Variants in ZNF655 observed in about 807,000 individuals in gnomAD.
ZNF655 encodes Vav-interacting Kruppel-like protein 1.
In ZNF655, 3 loss-of-function variants were observed where a neutral mutation model predicts 6.6. That is an observed-to-expected ratio of 0.46 (90% CI 0.21 to 1.18). The LOEUF is 1.18. Among genes scored for constraint, ZNF655 ranks in the 50% most tolerant of loss-of-function variants. The probability of loss-of-function intolerance (pLI) is 0.24; values close to 1 mark genes in which losing one functional copy is unlikely to be tolerated. For synonymous variants in ZNF655, 178 were observed against 195.0 expected, an observed-to-expected ratio of 0.91 and a Z score of 0.73; for missense variants, 526 against 572.3, an observed-to-expected ratio of 0.92 and a Z score of 0.83.
At chr7:99,571,629 G>A in intron 2 of ZNF655, 1 of 1,297,832 alleles carries the variant, frequency 7.7e-7, no homozygotes, top group South Asian at 1.3e-5. Flanking sequence ...AAAAGAAAAA[G>A]TGGCAGATGT....
At chr7:99,566,121 A>G (rs1428424812) in intron 2 of ZNF655, among the ~76,000 whole-genome samples, 2 of 151,906 alleles carry the variant, frequency 1.3e-5, no homozygotes, top group African/African-American at 2.4e-5. Flanking sequence ...CACTGCTCCT[A>G]TTTTATATCT....
intron 2 of ZNF655, among the ~76,000 whole-genome samples, chr7:99,567,856 C>T (rs902882285): frequency 5.9e-5 from 9 of 151,788 alleles, no homozygotes; most frequent in Admixed American, 6.6e-5. Context: ...GTCAGGAGTT[C>T]GAGACCAGCC....
intron 2 of ZNF655, chr7:99,571,080 C>T (rs1359354248): frequency 2.5e-6 from 1 of 399,078 alleles, no homozygotes; most frequent in Non-Finnish European, 4.2e-6. Context: ...GGCCTCTTAT[C>T]CCCTGCATAC....
intron 2 of ZNF655, chr7:99,570,184 C>T (rs1803932771): frequency 1.3e-5 from 2 of 152,094 alleles, no homozygotes; most frequent in African/African-American, 2.4e-5. Flanking sequence ...TACCAAATAT[C>T]GACAGACACT....
chr7:99,562,389 G>A, intron 2 of ZNF655: 1 of 1,614,136 alleles, frequency 6.2e-7, no homozygotes, highest in East Asian at 2.2e-5. Flanking sequence ...ATTCGAGGAT[G>A]TGGCTGTGCA....
chr7:99,567,480 C>T (rs1330137857), intron 2 of ZNF655, among the ~76,000 whole-genome samples: 5 of 150,520 alleles, frequency 3.3e-5, no homozygotes, highest in East Asian at 2.0e-4. Flanking sequence ...TGAGGTGAGC[C>T]GAGATCGTGC....
At chr7:99,563,949 G>A (rs1164091050) in intron 2 of ZNF655, 1 of 1,613,712 alleles carries the variant, frequency 6.2e-7, no homozygotes, top group Non-Finnish European at 8.5e-7. Flanking sequence ...TGCTTTCTCT[G>A]GAGAAACACT....
At chr7:99,565,299 G>A (rs1803538245) in intron 2 of ZNF655, among the ~76,000 whole-genome samples, 1 of 152,008 alleles carries the variant, frequency 6.6e-6, no homozygotes, top group Admixed American at 6.6e-5. Context: ...CTCCCAAGTA[G>A]CTGGGACTAC....
chr7:99,564,265 C>G, intron 2 of ZNF655: 1 of 1,335,922 alleles, frequency 7.5e-7, no homozygotes, highest in Non-Finnish European at 9.5e-7. Context: ...ACCAGAAATT[C>G]CAAATTCAGC....
Position 99,573,383 on chromosome 7 carries a change from G to T in ZNF655, c.1275G>T (p.Gln425His). 1 of 1,614,180 alleles carries T rather than the reference G, an allele frequency of 6.2e-7. No homozygotes were observed. The highest frequency in any genetic ancestry group is 8.5e-7 in the Non-Finnish European group (1 of 1,180,016). The change falls in exon 3 of 3, where the codon CAG (glutamine) becomes CAT (histidine). Residue 425 changes from glutamine (Q) to histidine (H), a missense_variant. Coordinates refer to ENST00000252713, the MANE Select transcript of ZNF655 (RefSeq NM_138494.3). ...KAFSQTSCLI[Q>H]HHKMHRKEKS... is the part of the protein sequence containing the mutation. ...TCAGTCAAACCTCATGCCTTATTCAGCATCACAAAATGCATAGGAAAGAGA... is the reference window on the plus strand; with the variant it reads ...TCAGTCAAACCTCATGCCTTATTCATCATCACAAAATGCATAGGAAAGAGA...
At position 99,572,849 on chromosome 7, in the gene ZNF655, GTCTT is replaced by G; in HGVS notation, c.744_747del (p.Phe249ValfsTer41). 3 of 1,614,068 alleles carry G rather than the reference GTCTT, an allele frequency of 1.9e-6. No individual in the cohort carries two copies. The highest frequency in any genetic ancestry group is 2.5e-6 in the Non-Finnish European group (3 of 1,179,978). On this transcript the variant is annotated frameshift_variant, in exon 3 of 3. Transcript: ENST00000252713. LOFTEE classifies it low-confidence loss of function (END_TRUNC). The stretch of plus-strand genomic sequence containing the variant: ...CCTACAAATGTAAAGAATGTGAAAA[GTCTT>G]TCAGTCAGAGCTCAAGTCTTAGTCG...
At chr7:99,559,742 C>A (rs2151140848) in intron 1 of ZNF655, among the ~76,000 whole-genome samples, 1 of 151,884 alleles carries the variant, frequency 6.6e-6, no homozygotes, top group African/African-American at 2.4e-5. Flanking sequence ...ATTCTCCTGC[C>A]TTGGCCTTTG....
Position 99,576,386 on chromosome 7 carries a change from A to G in ZNF655, c.*2802A>G, listed in dbSNP as rs564176437. The G allele has an allele frequency of 1.3e-5, 2 of 152,794 alleles. No individual in the cohort carries two copies. Among genetic ancestry groups the G allele is most frequent in the East Asian group, 1.9e-4 (1 of 5,188 alleles). 9.5% of individuals were successfully genotyped at this position (152,794 alleles called of 1,614,324 possible). On this transcript the variant is annotated 3_prime_UTR_variant, in exon 3 of 3. Transcript: ENST00000252713. ...AGCAGAATATGTAAAAATCACATGT[A>G]TGCGTTTGGTTTAGGAATGTGCTTT...
rs1562937849 is a variant in ZNF655, at chr7:99,572,313, T to C, written c.205T>C (p.Tyr69His). Residue 69 changes from tyrosine (Y) to histidine (H), a missense_variant, in exon 3 of 3, where the codon TAC (tyrosine) becomes CAC (histidine). Physicochemically the swap from Tyr to His is moderately conservative, Grantham distance 83. Coordinates refer to ENST00000252713, the MANE Select transcript of ZNF655 (RefSeq NM_138494.3). ...KQKISEEVHSYKVRVGRLKHD... is the reference protein window; with the variant it reads ...KQKISEEVHSHKVRVGRLKHD... ...GAAAATTTCGGAAGAAGTGCATTCATACAAAGTGAGAGTAGGAAGACTCAA... is the reference window on the plus strand; with the variant it reads ...GAAAATTTCGGAAGAAGTGCATTCACACAAAGTGAGAGTAGGAAGACTCAA... 2 of 1,613,452 alleles carry C rather than the reference T, an allele frequency of 1.2e-6. No homozygotes were observed. Among genetic ancestry groups the C allele is most frequent in the Non-Finnish European group, 1.7e-6 (2 of 1,179,884 alleles).
chr7:99,573,037 G>A lies in ZNF655; in HGVS notation c.929G>A (p.Arg310Lys). 1 of 1,614,140 alleles carries A rather than the reference G, an allele frequency of 6.2e-7. No individual in the cohort carries two copies. Among genetic ancestry groups the A allele is most frequent in the Middle Eastern group, 1.6e-4 (1 of 6,062 alleles). Residue 310 changes from arginine (R) to lysine (K), a missense_variant, in exon 3 of 3, where the codon AGA (arginine) becomes AAA (lysine). Coordinates refer to ENST00000252713, the MANE Select transcript of ZNF655 (RefSeq NM_138494.3). ...AKSYKCSSCE[R>K]VFSRSVHLTQ... is the part of the protein sequence containing the mutation. ...TCTTACAAATGTAGCAGTTGTGAAA[G>A]AGTCTTCAGTCGTAGTGTCCACCTT...
chr7:99,568,655 A>T (rs147805492), intron 2 of ZNF655, among the ~76,000 whole-genome samples: 1 of 151,986 alleles, frequency 6.6e-6, no homozygotes, highest in Non-Finnish European at 1.5e-5. Context: ...ATGGAGTCTC[A>T]CTATGTTCCC....
Position 99,573,714 on chromosome 7 carries a change from C to T in ZNF655, c.*130C>T. On this transcript the variant is annotated 3_prime_UTR_variant, in exon 3 of 3. Transcript: ENST00000252713. ...CAGTCATAGCTCAGCCATTGCTCAGCATCAGATAATTCACACCAGAGAGAA... is the reference window on the plus strand; with the variant it reads ...CAGTCATAGCTCAGCCATTGCTCAGTATCAGATAATTCACACCAGAGAGAA... 1.8e-6 allele frequency: 2 copies of T among 1,081,100 alleles called. No individual in the cohort carries two copies. Among genetic ancestry groups the T allele is most frequent in the Non-Finnish European group, 2.6e-6 (2 of 759,170 alleles). 67.0% of individuals were successfully genotyped at this position (1,081,100 alleles called of 1,614,324 possible).
At chr7:99,562,102 T>A in intron 2 of ZNF655, 1 of 869,896 alleles carries the variant, frequency 1.1e-6, no homozygotes, top group Non-Finnish European at 1.7e-6. Context: ...TGGGAATTGA[T>A]CCTCTTCGGA....
Position 99,573,300 on chromosome 7 carries a change from CA to C in ZNF655, c.1193del (p.His398LeufsTer82). On this transcript the variant is annotated frameshift_variant, in exon 3 of 3. Coordinates refer to ENST00000252713, the MANE Select transcript of ZNF655 (RefSeq NM_138494.3). LOFTEE classifies it low-confidence loss of function (END_TRUNC). The part of the protein sequence containing the change: ...DFRLNSHLIQ[H>X]QRIHTGEKAH... The stretch of plus-strand genomic sequence containing the variant: ...CAGATTGAATTCACATCTTATTCAG[CA>C]TCAAAGAATTCACACAGGAGAGAAA... 6.2e-7 allele frequency: 1 copy of C among 1,614,134 alleles called. No homozygotes were observed. The highest frequency in any genetic ancestry group is 8.5e-7 in the Non-Finnish European group (1 of 1,180,010).
Sources: gnomAD v4.1 joint callset for allele counts (sites outside exome capture counted in the v4.1 genomes callset) on GRCh38, gnomAD v4.1.1 for gene constraint, MANE v1.5 for transcripts, NCBI Gene and HGNC (gene_info 2026-07-23, HGNC 2026-07-21) for gene names.